The following CABLES2 variants were observed in gnomAD, a reference collection of about 807,000 sequenced individuals.
CABLES2 encodes the protein Cdk5 and Abl enzyme substrate 2, also known as CDK5 and ABL1 enzyme substrate 2.
CABLES2 carries 35 observed loss-of-function variants against 44.8 expected under a neutral mutation model. That is an observed-to-expected ratio of 0.78 (90% CI 0.60 to 1.04). The LOEUF is 1.04. Ranked by LOEUF, CABLES2 falls within the 50% of genes least tolerant of loss-of-function variation. The pLI, the probability that CABLES2 is intolerant of heterozygous loss-of-function variation, is 0.00. For synonymous variants in CABLES2, 282 were observed against 281.1 expected (o/e 1.00, Z -0.03); for missense variants, 566 against 615.7 (o/e 0.92, Z 0.85).
At position 62,391,120 on chromosome 20, in the gene CABLES2, G is replaced by A. The variant is rs757625282; in HGVS notation, c.1297-9C>T. ...AACCTTTCTTCTAACTTCTGCAGGG[G>A]AGAAGAGAGAAGGGTTACACGGGAG... is the stretch of plus-strand genomic sequence containing the variant. On this transcript the variant is annotated splice_polypyrimidine_tract_variant and intron_variant, in intron 9 of 9. Coordinates refer to ENST00000279101, the MANE Select transcript of CABLES2 (RefSeq NM_031215.3). The surrounding 1 kb of genome is among the most constrained non-coding windows in gnomAD (Gnocchi z 5.7). 14 of 1,613,814 alleles carry A rather than the reference G, an allele frequency of 8.7e-6. No homozygotes were observed. Among genetic ancestry groups the A allele is most frequent in the Non-Finnish European group, 1.1e-5 (13 of 1,179,856 alleles).
At chr20:62,398,193 A>ACGG (rs1988107705) in intron 1 of CABLES2, among the ~76,000 whole-genome samples, 2 of 30,052 alleles carry the variant, frequency 6.7e-5, no homozygotes, top group East Asian at 4.2e-4. Flanking sequence ...GGTGATGGTG[A>ACGG]TGATGGTGGT....
Position 62,389,195 on chromosome 20 carries a change from T to G in CABLES2, c.*1776A>C, listed in dbSNP as rs936170625. On this transcript the variant is annotated 3_prime_UTR_variant, in exon 10 of 10. Coordinates refer to ENST00000279101, the MANE Select transcript of CABLES2 (RefSeq NM_031215.3). ...GGATCTGGGTGGCAGGAGAGGTTGC[T>G]TTTCAGAGGAAAGCTGCCTGGGACC... The G allele has an allele frequency of 6.6e-6, 1 of 152,518 alleles. No homozygotes were observed. The highest frequency in any genetic ancestry group is 2.4e-5 in the African/African-American group (1 of 41,456). 9.4% of individuals were successfully genotyped at this position (152,518 alleles called of 1,614,324 possible).
chr20:62,401,420 G>A (rs1292932096), intron 1 of CABLES2, among the ~76,000 whole-genome samples: 3 of 152,212 alleles, frequency 2.0e-5, no homozygotes, highest in African/African-American at 4.8e-5. Flanking sequence ...CTGACGGGAC[G>A]GGCACTGGCA....
chr20:62,398,517 C>T (rs1490853265), intron 1 of CABLES2, among the ~76,000 whole-genome samples: 1 of 152,218 alleles, frequency 6.6e-6, no homozygotes, highest in African/African-American at 2.4e-5. Flanking sequence ...GGGCCAAGGG[C>T]AGGTGTACTG....
rs997640123 is a variant in CABLES2, at chr20:62,389,843, G to A, written c.*1128C>T. 6.6e-6 allele frequency: 1 copy of A among 152,224 alleles called. No individual in the cohort carries two copies. Among genetic ancestry groups the A allele is most frequent in the African/African-American group, 2.4e-5 (1 of 41,440 alleles). 9.4% of individuals were successfully genotyped at this position (152,224 alleles called of 1,614,324 possible). ...TGGGGCCCTGCTGGCCTGCACAGAA[G>A]GGACAACGACCACCATTTGGGGTCC... On this transcript the variant is annotated 3_prime_UTR_variant, in exon 10 of 10. Transcript: ENST00000279101.
chr20:62,398,202 G>GGTGGTGGTGACGGTGA (rs879730947), intron 1 of CABLES2, among the ~76,000 whole-genome samples: 2 of 112,556 alleles, frequency 1.8e-5, no homozygotes, highest in Admixed American at 8.5e-5. Flanking sequence ...GATGATGGTG[G>GGTGGTGGTGACGGTGA]TGATGGTGAT....
rs751356232 is a variant in CABLES2 at position 62,395,025 on chromosome 20, A to G, written c.528-11T>C. On this transcript the variant is annotated splice_polypyrimidine_tract_variant and intron_variant, in intron 3 of 9. Coordinates refer to ENST00000279101, the MANE Select transcript of CABLES2 (RefSeq NM_031215.3). ...CAGATGAGCACGATCCTGCAGGGGGACGGAGTCAGGGGAGACGGGGCCGGG... is the reference window on the plus strand; with the variant it reads ...CAGATGAGCACGATCCTGCAGGGGGGCGGAGTCAGGGGAGACGGGGCCGGG... 2.1e-5 allele frequency: 34 copies of G among 1,608,492 alleles called. No homozygotes were observed. In the South Asian group the frequency reaches 3.5e-4, roughly 17 times the overall value.
intron 1 of CABLES2, among the ~76,000 whole-genome samples, chr20:62,397,926 GTGGTGGTGGTGATGGTGGTGA>G (rs1988052986): frequency 1.9e-5 from 2 of 106,102 alleles, no homozygotes; most frequent in African/African-American, 5.1e-5. Context: ...AGTGGTGATG[GTGGTGGTGGTGATGGTGGTGA>G]CGGTAGTGGT....
chr20:62,398,126 T>TGGTG (rs1988095085), intron 1 of CABLES2, among the ~76,000 whole-genome samples: 1 of 17,808 alleles, frequency 5.6e-5, no homozygotes, highest in Non-Finnish European at 1.1e-4. Flanking sequence ...TGGTGGTGGT[T>TGGTG]ATGACGGTGG....
chr20:62,395,310 T>A (rs1987997644), intron 3 of CABLES2, among the ~76,000 whole-genome samples: 1 of 150,300 alleles, frequency 6.7e-6, no homozygotes, highest in African/African-American at 2.5e-5. Context: ...GGCTCCTTCC[T>A]GACCCAGTGC....
rs771723662 is a variant in CABLES2 at position 62,396,360 on chromosome 20, G to A, written c.482C>T (p.Thr161Ile). ...GSPRHKGLKK[T>I]HFIKNMRQYD... Reference sequence around the variant, plus strand: ...CTGCCTCATGTTCTTGATGAAGTGGGTCTTCTTCAGGCCTTTATGTCTCGG... The same window carrying A: ...CTGCCTCATGTTCTTGATGAAGTGGATCTTCTTCAGGCCTTTATGTCTCGG... The change falls in exon 3 of 10, where the codon ACC (threonine) becomes ATC (isoleucine). Residue 161 changes from threonine to isoleucine, a missense_variant. Physicochemically the swap from Thr to Ile is moderately conservative, Grantham distance 89 (BLOSUM62 -1). Transcript: ENST00000279101. The surrounding 1 kb of genome is among the most constrained non-coding windows in gnomAD (Gnocchi z 5.7). 6.2e-7 allele frequency: 1 copy of A among 1,613,898 alleles called. No individual in the cohort carries two copies. The highest frequency in any genetic ancestry group is 8.5e-7 in the Non-Finnish European group (1 of 1,179,946).
intron 3 of CABLES2, among the ~76,000 whole-genome samples, chr20:62,395,341 C>A (rs1468164004): frequency 2.0e-5 from 3 of 152,158 alleles, no homozygotes; most frequent in Non-Finnish European, 4.4e-5. Context: ...GGCGGCCTCA[C>A]CTCAGGATCT....
rs1369226029 is a variant in CABLES2, at chr20:62,394,164, T to A, written c.707A>T (p.Asp236Val). 4 of 1,613,076 alleles carry A rather than the reference T, an allele frequency of 2.5e-6. No individual in the cohort carries two copies. Among genetic ancestry groups the A allele is most frequent in the Admixed American group, 1.7e-5 (1 of 60,002 alleles). Reference protein sequence around the residue: ...FELEGVELGADGKVVSYAKFL... With the variant: ...FELEGVELGAVGKVVSYAKFL... ...CAGCGAAGAGGCTCTTACCTTCCCGTCTGCTCCTAGCTCCACACCTTCTAG... is the reference window on the plus strand; with the variant it reads ...CAGCGAAGAGGCTCTTACCTTCCCGACTGCTCCTAGCTCCACACCTTCTAG... Residue 236 changes from aspartate (D) to valine (V), a missense_variant, in exon 5 of 10, where the codon GAC becomes GTC. Physicochemically the swap from Asp to Val is radical, Grantham distance 152. Coordinates refer to ENST00000279101, the MANE Select transcript of CABLES2 (RefSeq NM_031215.3).
chr20:62,390,999 T>C lies in CABLES2; in HGVS notation c.1409A>G (p.His470Arg). Reference protein sequence around the residue: ...LYLPENQVLPHYRRLTQQF With the variant: ...LYLPENQVLPRYRRLTQQF ...GAACTGCTGGGTGAGGCGCCTGTAA[T>C]GAGGTAACACTTGGTTCTCGGGAAG... The change falls in exon 10 of 10, where the codon CAT becomes CGT. Residue 470 changes from histidine to arginine, a missense_variant. Physicochemically the swap from His to Arg is conservative, Grantham distance 29. This residue lies in a region of CABLES2 where 436 missense variants were observed against 536.3 expected (regional missense o/e 0.81). Coordinates refer to ENST00000279101, the MANE Select transcript of CABLES2 (RefSeq NM_031215.3). 6.2e-7 allele frequency: 1 copy of C among 1,614,070 alleles called. No individual in the cohort carries two copies. The highest frequency in any genetic ancestry group is 8.5e-7 in the Non-Finnish European group (1 of 1,179,988).
intron 1 of CABLES2, among the ~76,000 whole-genome samples, chr20:62,400,502 A>G (rs1988169341): frequency 1.3e-5 from 2 of 152,148 alleles, no homozygotes; most frequent in Admixed American, 1.3e-4. Context: ...CCAGTGAAGG[A>G]GGAGATTTGG....
Position 62,389,502 on chromosome 20 carries a change from G to A in CABLES2, c.*1469C>T, listed in dbSNP as rs778785223. Reference sequence around the variant, plus strand: ...GGGGTCGGGTGGAGTTGCTGGTGGAGTTCTGTGATAGCAGAATTGGCATCT... The same window carrying A: ...GGGGTCGGGTGGAGTTGCTGGTGGAATTCTGTGATAGCAGAATTGGCATCT... On this transcript the variant is annotated 3_prime_UTR_variant, in exon 10 of 10. Transcript: ENST00000279101. 2.0e-5 allele frequency: 3 copies of A among 152,268 alleles called. No homozygotes were observed. Among genetic ancestry groups the A allele is most frequent in the Non-Finnish European group, 4.4e-5 (3 of 68,088 alleles). 9.4% of individuals were successfully genotyped at this position (152,268 alleles called of 1,614,324 possible).
intron 1 of CABLES2, among the ~76,000 whole-genome samples, chr20:62,398,158 CGGTGATGGTGGTAATGGT>C (rs1569017755): frequency 3.4e-4 from 9 of 26,808 alleles, no homozygotes; most frequent in African/African-American, 9.1e-4. Flanking sequence ...GTGGTGGTGA[CGGTGATGGTGGTAATGGT>C]GGTGGTGGTG....
At chr20:62,406,856 C>T (rs1302314137) in intron 1 of CABLES2, 59 bp downstream of exon 1, 4 of 996,426 alleles carry the variant, frequency 4.0e-6, no homozygotes, top group East Asian at 4.2e-5. Context: ...GCTGATCCGG[C>T]CCCCGTCCCC....
chr20:62,398,077 T>TGGTGACGGTGGTGGTGGTGGTGATGGC (rs1433351710), intron 1 of CABLES2, among the ~76,000 whole-genome samples: 1 of 33,056 alleles, frequency 3.0e-5, no homozygotes, highest in Non-Finnish European at 6.0e-5. Context: ...GTGACGGTGG[T>TGGTGACGGTGGTGGTGGTGGTGATGGC]GGTGGTGGTG....
Sources: gnomAD v4.1 joint callset for allele counts (sites outside exome capture counted in the v4.1 genomes callset) on GRCh38, gnomAD v4.1.1 for gene constraint, gnomAD v4.1.1 regional missense constraint, Gnocchi (gnomAD v3.1) non-coding constraint, MANE v1.5 for transcripts, NCBI Gene and HGNC (gene_info 2026-07-23, HGNC 2026-07-21) for gene names.